The following IMMP2L variants were observed in gnomAD, a reference collection of about 807,000 sequenced individuals.
IMMP2L encodes the protein mitochondrial inner membrane protease subunit 2.
Under a neutral mutation model 19.3 loss-of-function variants are expected in IMMP2L, and 18 were observed. The observed-to-expected ratio is 0.93, with a 90% confidence interval of 0.64 to 1.38. The LOEUF is 1.38. Ranked by LOEUF, IMMP2L falls within the 40% of genes most tolerant of loss-of-function variation. IMMP2L has a pLI of 0.00. For synonymous variants in IMMP2L, 76 were observed against 73.0 expected (o/e 1.04, Z -0.21); for missense variants, 233 against 218.2 (o/e 1.07, Z -0.43).
At chr7:110,703,106 G>A (rs1192015374) in intron 5 of IMMP2L, among the ~76,000 whole-genome samples, 1 of 152,108 alleles carries the variant, frequency 6.6e-6, no homozygotes, top group South Asian at 2.1e-4. Flanking sequence ...GAATGCGGAA[G>A]TTCCCTTATA....
intron 4 of IMMP2L, among the ~76,000 whole-genome samples, chr7:110,950,853 T>C (rs931381250): frequency 3.1e-4 from 39 of 125,162 alleles, no homozygotes; most frequent in South Asian, 2.6e-4. Flanking sequence ...TATATATATA[T>C]ATATATATAT....
At chr7:111,054,636 C>T (rs1046120342) in intron 3 of IMMP2L, among the ~76,000 whole-genome samples, 4 of 152,148 alleles carry the variant, frequency 2.6e-5, no homozygotes, top group Non-Finnish European at 2.9e-5. Context: ...TTGAACACAA[C>T]GATCAGAAAT....
intron 3 of IMMP2L, among the ~76,000 whole-genome samples, chr7:111,061,736 T>A (rs1794036691): frequency 6.6e-6 from 1 of 152,034 alleles, no homozygotes; most frequent in African/African-American, 2.4e-5. Flanking sequence ...AACACATCAA[T>A]TCTCCACAGT....
Position 111,505,633 on chromosome 7 carries a change from T to C in IMMP2L, c.135+15680A>G, listed in dbSNP as rs541128595. On this transcript the variant is annotated intron_variant, in intron 2 of 5. Coordinates refer to ENST00000405709, the MANE Select transcript of IMMP2L (RefSeq NM_032549.4). ...GGCACATATACACCATGGAATACTA[T>C]GCAGCCATAAAAAATGATGAGTTCA... Among the ~76,000 whole-genome samples the C allele has an allele frequency of 2.1e-3, 323 of 152,260 alleles. 3 individuals are homozygous for C. Among genetic ancestry groups the C allele is most frequent in the African/African-American group, 7.3e-3 (305 of 41,540 alleles).
At chr7:111,128,502 C>CT (rs1249827989) in intron 3 of IMMP2L, among the ~76,000 whole-genome samples, 6 of 151,988 alleles carry the variant, frequency 3.9e-5, no homozygotes, top group Admixed American at 6.6e-5. Flanking sequence ...AGAAACTAGC[C>CT]TAATAGTATT....
At chr7:111,038,048 T>C (rs1011432884) in intron 3 of IMMP2L, among the ~76,000 whole-genome samples, 3 of 152,158 alleles carry the variant, frequency 2.0e-5, no homozygotes, top group South Asian at 2.1e-4. Context: ...TAGTGAAATA[T>C]TGACCGCACC....
At chr7:111,483,985 C>A (rs184121912) in intron 3 of IMMP2L, among the ~76,000 whole-genome samples, 1 of 152,214 alleles carries the variant, frequency 6.6e-6, no homozygotes, top group Non-Finnish European at 1.5e-5. Flanking sequence ...ATAAATAAAA[C>A]AAAGTAACAC....
intron 3 of IMMP2L, among the ~76,000 whole-genome samples, chr7:111,270,877 C>G (rs766551025): frequency 6.6e-6 from 1 of 152,032 alleles, no homozygotes; most frequent in Non-Finnish European, 1.5e-5. Flanking sequence ...AAAATGAGCA[C>G]TTATCTTACA....
chr7:110,998,666 G>A (rs1823297467), intron 3 of IMMP2L, among the ~76,000 whole-genome samples: 1 of 152,154 alleles, frequency 6.6e-6, no homozygotes, highest in Admixed American at 6.6e-5. Flanking sequence ...TGGAAAGTTG[G>A]ACTCAACTGG....
At chr7:111,425,310 CTGTATCTTGAT>C (rs1835964880) in intron 3 of IMMP2L, among the ~76,000 whole-genome samples, 1 of 144,798 alleles carries the variant, frequency 6.9e-6, no homozygotes, top group Non-Finnish European at 1.6e-5. Context: ...TGTTAATGTT[CTGTATCTTGAT>C]AGAGATTAGG....
intron 4 of IMMP2L, among the ~76,000 whole-genome samples, chr7:110,902,066 G>T (rs922685727): frequency 1.3e-5 from 2 of 152,010 alleles, no homozygotes; most frequent in Non-Finnish European, 1.5e-5. Context: ...TAGTAAGGTA[G>T]AATTCTATCA....
At chr7:110,729,837 G>C (rs771018991) in intron 5 of IMMP2L, among the ~76,000 whole-genome samples, 10 of 152,040 alleles carry the variant, frequency 6.6e-5, no homozygotes, top group Admixed American at 4.6e-4. Flanking sequence ...GTGATGGGTT[G>C]ATCTGTGCAA....
At chr7:110,776,754 C>A (rs986541069) in intron 5 of IMMP2L, among the ~76,000 whole-genome samples, 4 of 151,966 alleles carry the variant, frequency 2.6e-5, no homozygotes, top group African/African-American at 9.7e-5. Context: ...CTTTTGAAAG[C>A]CTGACGACTA....
At chr7:110,801,845 T>C (rs1465452783) in intron 5 of IMMP2L, among the ~76,000 whole-genome samples, 1 of 152,074 alleles carries the variant, frequency 6.6e-6, no homozygotes, top group Non-Finnish European at 1.5e-5. Context: ...GTGACACAGC[T>C]TGCTGAGTTG....
chr7:110,666,211 A>ACCTAAT (rs1791440579), intron 5 of IMMP2L, among the ~76,000 whole-genome samples: 1 of 151,976 alleles, frequency 6.6e-6, no homozygotes, highest in Non-Finnish European at 1.5e-5. Flanking sequence ...CTTACCTTGC[A>ACCTAAT]CCTAATACCT....
At chr7:111,078,644 C>T (rs1795615971) in intron 3 of IMMP2L, among the ~76,000 whole-genome samples, 1 of 152,030 alleles carries the variant, frequency 6.6e-6, no homozygotes, top group Non-Finnish European at 1.5e-5. Flanking sequence ...CTTTGATGTG[C>T]AAATGCTTTC....
intron 3 of IMMP2L, among the ~76,000 whole-genome samples, chr7:111,101,447 TCCA>T (rs1797965354): frequency 6.6e-6 from 1 of 151,514 alleles, no homozygotes; most frequent in African/African-American, 2.4e-5. Flanking sequence ...CACCTAAGAA[TCCA>T]TACTTATTTT....
chr7:111,043,811 T>C (rs1254912706), intron 3 of IMMP2L, among the ~76,000 whole-genome samples: 1 of 152,168 alleles, frequency 6.6e-6, no homozygotes, highest in Non-Finnish European at 1.5e-5. Flanking sequence ...TTTTAATTAC[T>C]AAACAGGAAG....
chr7:111,317,450 C>T (rs1824230475), intron 3 of IMMP2L, among the ~76,000 whole-genome samples: 1 of 152,068 alleles, frequency 6.6e-6, no homozygotes, highest in African/African-American at 2.4e-5. Context: ...CAAAGAAATA[C>T]TACCTGACTC....
Sources: allele counts gnomAD v4.1 joint callset (sites outside exome capture counted in the v4.1 genomes callset), GRCh38; gene constraint gnomAD v4.1.1; transcripts MANE v1.5; gene names NCBI Gene and HGNC (gene_info 2026-07-23, HGNC 2026-07-21).